The following PCDHGA6 variants were observed in gnomAD, a reference collection of about 807,000 sequenced individuals.
PCDHGA6 encodes the protein protocadherin gamma-A6.
PCDHGA6 carries 41 observed loss-of-function variants against 60.6 expected under a neutral mutation model. That is an observed-to-expected ratio of 0.68 (90% CI 0.53 to 0.88). The LOEUF is 0.88. Among genes scored for constraint, PCDHGA6 ranks in the 40% least tolerant of loss-of-function variants. PCDHGA6 has a pLI of 0.00. For synonymous variants in PCDHGA6, 594 were observed against 524.4 expected (o/e 1.13, Z -1.81); for missense variants, 1,312 against 1,203.0 (o/e 1.09, Z -1.34).
chr5:141,382,887 A>T (rs1778529404), intron 1 of PCDHGA6: 1 of 1,530,424 alleles, frequency 6.5e-7, no homozygotes, highest in Non-Finnish European at 8.8e-7. Context: ...TAAGCAAGAG[A>T]AGCAGGACGA....
intron 1 of PCDHGA6, chr5:141,413,388 C>G (rs765673305): frequency 6.2e-7 from 1 of 1,613,894 alleles, no homozygotes; most frequent in African/African-American, 1.3e-5. Context: ...TCCGCATAGT[C>G]TCCAGAGGTA....
intron 1 of PCDHGA6, chr5:141,428,113 T>A: frequency 6.2e-7 from 1 of 1,607,492 alleles, no homozygotes; most frequent in Non-Finnish European, 8.5e-7. Flanking sequence ...CTGCAGGCCA[T>A]CGAGCCCGGG....
At chr5:141,417,781 G>C in intron 1 of PCDHGA6, 1 of 1,473,574 alleles carries the variant, frequency 6.8e-7, no homozygotes. Flanking sequence ...CCTGTCCTGG[G>C]CCGAATGCTC....
intron 1 of PCDHGA6, chr5:141,383,599 G>A: frequency 1.9e-6 from 3 of 1,613,742 alleles, no homozygotes; most frequent in Non-Finnish European, 2.5e-6. Context: ...GACAGTGGTG[G>A]ATGTGAATGA....
chr5:141,393,492 C>T (rs778632774), intron 1 of PCDHGA6: 11 of 1,613,922 alleles, frequency 6.8e-6, no homozygotes, highest in African/African-American at 1.3e-5. Flanking sequence ...TAGCACAGTG[C>T]GCATCCACGT....
chr5:141,404,890 A>G (rs745830169), intron 1 of PCDHGA6: 1 of 1,613,870 alleles, frequency 6.2e-7, no homozygotes, highest in Middle Eastern at 1.6e-4. Context: ...TGGTGGCTGT[A>G]CAGGACCATG....
rs535194185 is a variant in PCDHGA6, at chr5:141,485,480, A to C, written c.2425-9327A>C. 6.2e-7 allele frequency: 1 copy of C among 1,614,154 alleles called. No individual in the cohort carries two copies. The highest frequency in any genetic ancestry group is 1.7e-5 in the Admixed American group (1 of 60,020). On this transcript the variant is annotated intron_variant, in intron 1 of 3. Coordinates refer to ENST00000517434, the MANE Select transcript of PCDHGA6 (RefSeq NM_018919.3). This position sits in a 1 kb window ranked among gnomAD's most constrained non-coding sequence, Gnocchi z 5.7. The stretch of plus-strand genomic sequence containing the variant: ...ACTGTGTGGGCTCAGTGCCAGCTGC[A>C]TCGTGCCCCTGGAGTTTGTCACCGA...
chr5:141,428,536 A>G (rs981530261), intron 1 of PCDHGA6: 1 of 273,778 alleles, frequency 3.7e-6, no homozygotes, highest in Non-Finnish European at 7.2e-6. Flanking sequence ...TTTTCTCACC[A>G]TGACACCAGA....
intron 1 of PCDHGA6, chr5:141,389,298 G>C (rs1440320819): frequency 6.2e-7 from 1 of 1,614,030 alleles, no homozygotes; most frequent in Non-Finnish European, 8.5e-7. Context: ...TATTTCACAA[G>C]TCAGGGCTTC....
At chr5:141,410,060 G>C in intron 1 of PCDHGA6, 1 of 1,613,108 alleles carries the variant, frequency 6.2e-7, no homozygotes, top group Non-Finnish European at 8.5e-7. Flanking sequence ...CTTCAGCCTG[G>C]GGCTGCGCAC....
intron 1 of PCDHGA6, chr5:141,422,554 G>A (rs753985751): frequency 1.2e-5 from 19 of 1,613,870 alleles, no homozygotes; most frequent in Non-Finnish European, 1.6e-5. Flanking sequence ...CTGGCTGAAT[G>A]TGGCAGATGA....
At chr5:141,480,703 C>G (rs577131684) in intron 1 of PCDHGA6, among the ~76,000 whole-genome samples, 1 of 152,134 alleles carries the variant, frequency 6.6e-6, no homozygotes, top group African/African-American at 2.4e-5. Context: ...GGCCACACCC[C>G]GACAAATGAA....
In PCDHGA6 at chr5:141,512,494, C is replaced by T. The variant is rs2099884262; in HGVS notation, c.*1321C>T. The T allele has an allele frequency of 6.5e-6, 1 of 152,894 alleles. No individual in the cohort carries two copies. Among genetic ancestry groups the T allele is most frequent in the Admixed American group, 6.5e-5 (1 of 15,282 alleles). The allele number at this position is 152,894 out of a possible 1,614,324, so 9.5% of individuals were successfully genotyped here. Reference sequence around the variant, plus strand: ...CTTCCGTGAAGGCCACTGCCCAGGTCCCCAGTGCGCCCCCTAGTGGCCATA... The same window carrying T: ...CTTCCGTGAAGGCCACTGCCCAGGTTCCCAGTGCGCCCCCTAGTGGCCATA... On this transcript the variant is annotated 3_prime_UTR_variant, in exon 4 of 4. Transcript: ENST00000517434.
At chr5:141,456,504 T>G (rs781368588) in intron 1 of PCDHGA6, among the ~76,000 whole-genome samples, 1 of 152,148 alleles carries the variant, frequency 6.6e-6, no homozygotes, top group Non-Finnish European at 1.5e-5. Context: ...GGTTAACCAA[T>G]TCCATAAAGA....
chr5:141,445,708 G>A (rs2098475030), intron 1 of PCDHGA6, among the ~76,000 whole-genome samples: 1 of 152,168 alleles, frequency 6.6e-6, no homozygotes, highest in African/African-American at 2.4e-5. Flanking sequence ...AAATTGTCAG[G>A]CAGAGGAAAT....
chr5:141,389,152 C>T (rs1176301501), intron 1 of PCDHGA6: 2 of 1,614,022 alleles, frequency 1.2e-6, no homozygotes, highest in South Asian at 2.2e-5. Flanking sequence ...GTTACGGCAA[C>T]AGATCGGGGC....
At chr5:141,451,352 A>G (rs2098714151) in intron 1 of PCDHGA6, among the ~76,000 whole-genome samples, 1 of 152,232 alleles carries the variant, frequency 6.6e-6, no homozygotes, top group Non-Finnish European at 1.5e-5. Flanking sequence ...AAGGGTCAAC[A>G]GAGGATGGAT....
chr5:141,384,186 TC>T (rs1369721575), intron 1 of PCDHGA6: 3 of 1,613,730 alleles, frequency 1.9e-6, no homozygotes, highest in Admixed American at 1.7e-5. Flanking sequence ...ATGGTGGAAC[TC>T]CTCCCTTGTC....
Position 141,491,324 on chromosome 5 carries a change from T to C in PCDHGA6, c.2425-3483T>C, listed in dbSNP as rs762200164. 16 of 1,614,060 alleles carry C rather than the reference T, an allele frequency of 9.9e-6. No homozygotes were observed. The highest frequency in any genetic ancestry group is 8.3e-5 in the Admixed American group (5 of 60,010). On this transcript the variant is annotated intron_variant, in intron 1 of 3. Transcript: ENST00000517434. This position sits in a 1 kb window ranked among gnomAD's most constrained non-coding sequence, Gnocchi z 6.9. ...CGTTCAGACCTTACCCTTTACCTCA[T>C]TGTGGCTCTAGCGACCGTCAGTCTC...
Sources: allele counts gnomAD v4.1 joint callset (sites outside exome capture counted in the v4.1 genomes callset), GRCh38; gene constraint gnomAD v4.1.1; non-coding constraint Gnocchi (gnomAD v3.1); transcripts MANE v1.5; gene names NCBI Gene and HGNC (gene_info 2026-07-23, HGNC 2026-07-21).